The following NENF variants were observed in gnomAD, a reference collection of about 807,000 sequenced individuals.
NENF encodes the protein neudesin.
Under a neutral mutation model 14.8 loss-of-function variants are expected in NENF, and 6 were observed. The ratio of observed to expected loss-of-function variants is 0.40; its 90% CI spans 0.22 to 0.80. The LOEUF (loss-of-function observed/expected upper bound fraction) is 0.80. NENF is among the 30% of genes least tolerant of loss of function. The probability of loss-of-function intolerance (pLI) is 0.34; values close to 1 mark genes in which losing one functional copy is unlikely to be tolerated. For synonymous variants in NENF, 76 were observed against 95.1 expected (o/e 0.80, Z 1.17); for missense variants, 184 against 212.7 (o/e 0.87, Z 0.84).
chr1:212,440,251 C>CAAAAAAAA (rs371489983), intron 1 of NENF, among the ~76,000 whole-genome samples: 9,531 of 85,930 alleles, frequency 0.11, 745 homozygotes, highest in East Asian at 0.25. Context: ...GACTCTGTCT[C>CAAAAAAAA]AAAAAAAAAA....
rs1662774034 is a variant in NENF, at chr1:212,446,000, G to A, written c.513G>A (p.Glu171=). The change falls in exon 4 of 4, where the codon GAG becomes GAA. Residue 171 remains glutamate (E), a synonymous_variant. Coordinates refer to ENST00000366988, the MANE Select transcript of NENF (RefSeq NM_013349.5). ...AGCCCCATTTTGACATCAAGGATGAGTTCTGATGTTCCCCCTGCAGGAGCA... is the reference window on the plus strand; with the variant it reads ...AGCCCCATTTTGACATCAAGGATGAATTCTGATGTTCCCCCTGCAGGAGCA... ...EDQPHFDIKD[E]F 1 of 1,614,036 alleles carries A rather than the reference G, an allele frequency of 6.2e-7. No homozygotes were observed. The highest frequency in any genetic ancestry group is 1.3e-5 in the African/African-American group (1 of 74,926).
At chr1:212,444,481 C>A in intron 3 of NENF, 39 bp downstream of exon 3, 1 of 1,391,126 alleles carries the variant, frequency 7.2e-7, no homozygotes, top group Non-Finnish European at 1.0e-6. Context: ...TCCTCTACCT[C>A]CTTGTCCATG....
At chr1:212,439,677 T>A in intron 1 of NENF, among the ~76,000 whole-genome samples, 1 of 100,396 alleles carries the variant, frequency 1.0e-5, no homozygotes, top group African/African-American at 4.1e-5. Flanking sequence ...AACCTGTCTC[T>A]ACTAAATATA....
At chr1:212,442,750 T>G in intron 2 of NENF, 125 bp downstream of exon 2, 1 of 716,412 alleles carries the variant, frequency 1.4e-6, no homozygotes, top group Non-Finnish European at 2.4e-6. Flanking sequence ...TTTTATTTTA[T>G]TTTATTTTTT....
chr1:212,434,922 G>A (rs888550719), intron 1 of NENF: 2 of 152,410 alleles, frequency 1.3e-5, no homozygotes, highest in Middle Eastern at 3.4e-3. Flanking sequence ...ATTGTTTTGG[G>A]AGTGGAGCCT....
chr1:212,436,301 A>G (rs968303916), intron 1 of NENF, among the ~76,000 whole-genome samples: 15 of 145,720 alleles, frequency 1.0e-4, no homozygotes, highest in South Asian at 2.1e-4. Flanking sequence ...GCTGTAGCCC[A>G]TGGGTCTTTT....
chr1:212,443,905 T>A (rs552548371), intron 2 of NENF, among the ~76,000 whole-genome samples: 2 of 151,500 alleles, frequency 1.3e-5, no homozygotes, highest in Non-Finnish European at 2.9e-5. Context: ...AAAAATTAGC[T>A]GGGCATGGTG....
intron 1 of NENF, among the ~76,000 whole-genome samples, chr1:212,437,588 CTG>C (rs1355626707): frequency 5.9e-5 from 9 of 152,160 alleles, no homozygotes; most frequent in African/African-American, 2.2e-4. Context: ...ACACATCCCA[CTG>C]TGTGGTTCAA....
rs1257205578 is a variant in NENF at position 212,433,971 on chromosome 1, G to A, written c.177+851G>A. Reference sequence around the variant, plus strand: ...CTGCTTTTACACATAAGGAAACTGAGGCCTGCCACCTGTTAGTGGTAGAGC... The same window carrying A: ...CTGCTTTTACACATAAGGAAACTGAAGCCTGCCACCTGTTAGTGGTAGAGC... On this transcript the variant is annotated intron_variant, in intron 1 of 3. Transcript: ENST00000366988. This position sits in a 1 kb window ranked among gnomAD's most constrained non-coding sequence, Gnocchi z 5.5. Among the ~76,000 whole-genome samples, 1 of 152,168 alleles carries A rather than the reference G, an allele frequency of 6.6e-6. No individual in the cohort carries two copies. The highest frequency in any genetic ancestry group is 2.4e-5 in the African/African-American group (1 of 41,442).
chr1:212,443,209 G>A (rs1329684123), intron 2 of NENF, among the ~76,000 whole-genome samples: 1 of 152,204 alleles, frequency 6.6e-6, no homozygotes, highest in Non-Finnish European at 1.5e-5. Flanking sequence ...TTGAAGCAAT[G>A]AGAGAAGTGT....
rs1407784653 is a variant in NENF at position 212,433,995 on chromosome 1, G to A, written c.177+875G>A. On this transcript the variant is annotated intron_variant, in intron 1 of 3. Coordinates refer to ENST00000366988, the MANE Select transcript of NENF (RefSeq NM_013349.5). The surrounding 1 kb of genome is among the most constrained non-coding windows in gnomAD (Gnocchi z 5.5). ...AGGCCTGCCACCTGTTAGTGGTAGA[G>A]CAGGAAGAGGCCTGATGTTTTTCAA... 6.6e-6 allele frequency among the ~76,000 whole-genome samples: 1 copy of A among 152,186 alleles called. No individual in the cohort carries two copies. The highest frequency in any genetic ancestry group is 1.9e-4 in the East Asian group (1 of 5,200).
intron 1 of NENF, among the ~76,000 whole-genome samples, chr1:212,438,064 GTAA>G (rs1662636592): frequency 1.3e-5 from 2 of 152,156 alleles, no homozygotes; most frequent in Admixed American, 6.5e-5. Flanking sequence ...AGTAATTCTA[GTAA>G]GGGTTGTACA....
At chr1:212,436,955 C>T (rs1040616442) in intron 1 of NENF, among the ~76,000 whole-genome samples, 1 of 150,832 alleles carries the variant, frequency 6.6e-6, no homozygotes, top group South Asian at 2.1e-4. Flanking sequence ...AGTTCCTACT[C>T]TAAGCAGGTG....
chr1:212,438,114 AG>A (rs1662637632), intron 1 of NENF, among the ~76,000 whole-genome samples: 1 of 152,246 alleles, frequency 6.6e-6, no homozygotes, highest in Admixed American at 6.5e-5. Flanking sequence ...TGTAGATAAC[AG>A]GTTATAAAGT....
chr1:212,440,065 A>G (rs1047328018), intron 1 of NENF, among the ~76,000 whole-genome samples: 1 of 152,064 alleles, frequency 6.6e-6, no homozygotes, highest in Non-Finnish European at 1.5e-5. Flanking sequence ...CAGCCTGGCC[A>G]ACATGGTGAA....
At chr1:212,443,936 C>T (rs1170252172) in intron 2 of NENF, among the ~76,000 whole-genome samples, 3 of 151,842 alleles carry the variant, frequency 2.0e-5, no homozygotes, top group African/African-American at 7.3e-5. Flanking sequence ...CCTGTAGTCC[C>T]AGCTACTCTG....
chr1:212,444,156 T>C lies in NENF; in HGVS notation c.239-183T>C, dbSNP rs186330397. Among the ~76,000 whole-genome samples the C allele has an allele frequency of 2.5e-4, 38 of 152,320 alleles. No individual in the cohort carries two copies. In the East Asian group the frequency reaches 7.1e-3, roughly 29 times the overall value. On this transcript the variant is annotated intron_variant, in intron 2 of 3. Transcript: ENST00000366988. ...TGACTTACTTCACATTTAGAGTAAG[T>C]GGAATCCAACCTGATGGCTGGGGTG...
chr1:212,438,602 C>T (rs1403227497), intron 1 of NENF, among the ~76,000 whole-genome samples: 9 of 149,162 alleles, frequency 6.0e-5, no homozygotes, highest in Admixed American at 6.7e-5. Context: ...TTTTGTTTTG[C>T]GTGTGTGTGT....
At chr1:212,442,486 A>G (rs768535836) in intron 1 of NENF, 79 bp from the exon 2 acceptor site, 10 of 1,099,762 alleles carry the variant, frequency 9.1e-6, no homozygotes, top group Non-Finnish European at 1.4e-5. Flanking sequence ...TCAGCTTGTG[A>G]TGGGAGAAGA....
Sources: allele counts gnomAD v4.1 joint callset (sites outside exome capture counted in the v4.1 genomes callset), GRCh38; gene constraint gnomAD v4.1.1; non-coding constraint Gnocchi (gnomAD v3.1); transcripts MANE v1.5; gene names NCBI Gene and HGNC (gene_info 2026-07-23, HGNC 2026-07-21).